GPHN: variants seen among roughly 807,000 people sequenced by gnomAD.
The protein encoded by GPHN is gephyrin.
Under a neutral mutation model 95.5 loss-of-function variants are expected in GPHN, and 17 were observed. That is an observed-to-expected ratio of 0.18 (90% CI 0.12 to 0.27). The LOEUF is 0.27. Among genes scored for constraint, GPHN ranks in the 10% least tolerant of loss-of-function variants. The probability of loss-of-function intolerance (pLI) is 1.00; values close to 1 mark genes in which losing one functional copy is unlikely to be tolerated. For missense variants in GPHN, 660 were observed against 978.1 expected (o/e 0.67, Z 4.34); for synonymous variants, 320 against 322.5 (o/e 0.99, Z 0.08).
chr14:66,882,474 C>A (rs996941012), intron 5 of GPHN, among the ~76,000 whole-genome samples: 4 of 151,644 alleles, frequency 2.6e-5, no homozygotes, highest in Non-Finnish European at 1.5e-5. Flanking sequence ...TTAATATCCT[C>A]CAGATTTTTT....
intron 18 of GPHN, among the ~76,000 whole-genome samples, chr14:67,148,968 T>C (rs375677865): frequency 5.3e-5 from 8 of 152,314 alleles, no homozygotes; most frequent in African/African-American, 1.7e-4. Flanking sequence ...TCTCATCAGA[T>C]TGAGTGAATC....
At chr14:66,573,029 C>T (rs1363019005) in intron 1 of GPHN, among the ~76,000 whole-genome samples, 1 of 152,150 alleles carries the variant, frequency 6.6e-6, no homozygotes. Flanking sequence ...TGGTTTCCTA[C>T]CACATTTCAT....
At chr14:67,189,837 A>ATTTTTTTTTT in the GPHN span, 3 of 108,086 alleles carry the variant, frequency 2.8e-5, no homozygotes, top group Non-Finnish European at 5.4e-5. Context: ...ATTTTTTTTA[A>ATTTTTTTTTT]TTTTTTTTTT....
the GPHN span, chr14:67,450,061 C>G: frequency 6.5e-6 from 1 of 153,964 alleles, no homozygotes; most frequent in Non-Finnish European, 1.4e-5. Context: ...AAAACTCTGT[C>G]TCAAACAAAC....
chr14:67,691,171 G>C, the GPHN span: 1 of 1,613,942 alleles, frequency 6.2e-7, no homozygotes, highest in East Asian at 2.2e-5. Context: ...GCATCTCAAA[G>C]CCATCTGCTG....
the GPHN span, among the ~76,000 whole-genome samples, chr14:67,196,223 CT>C: frequency 6.2e-3 from 888 of 142,682 alleles, 1 homozygote; most frequent in African/African-American, 0.012. Flanking sequence ...TTCTTTCTTT[CT>C]TTTTTTTTTT....
chr14:67,672,394 C>T, the GPHN span, among the ~76,000 whole-genome samples: 1 of 151,768 alleles, frequency 6.6e-6, no homozygotes, highest in Admixed American at 6.6e-5. Flanking sequence ...GCTGGGATTA[C>T]AGGTGTGAGC....
intron 2 of GPHN, among the ~76,000 whole-genome samples, chr14:66,759,280 T>G (rs2058677551): frequency 6.6e-6 from 1 of 152,142 alleles, no homozygotes; most frequent in Non-Finnish European, 1.5e-5. Flanking sequence ...CATTCTTTAC[T>G]CACCACAGGT....
At chr14:67,116,113 G>C (rs1272094671) in intron 16 of GPHN, among the ~76,000 whole-genome samples, 1 of 151,948 alleles carries the variant, frequency 6.6e-6, no homozygotes, top group Non-Finnish European at 1.5e-5. Flanking sequence ...ACCAGCCTGG[G>C]CAACATGGCA....
chr14:67,314,649 A>G, the GPHN span, among the ~76,000 whole-genome samples: 1 of 152,226 alleles, frequency 6.6e-6, no homozygotes, highest in Non-Finnish European at 1.5e-5. Context: ...TAGCCCATAA[A>G]TGTTTAGAAC....
the GPHN span, among the ~76,000 whole-genome samples, chr14:67,356,219 A>G: frequency 3.3e-5 from 5 of 152,248 alleles, no homozygotes; most frequent in South Asian, 1.0e-3. Flanking sequence ...CAGGAGTTCG[A>G]GACCACCCTG....
intron 12 of GPHN, among the ~76,000 whole-genome samples, chr14:67,092,354 C>A (rs113771914): frequency 6.6e-6 from 1 of 151,932 alleles, no homozygotes; most frequent in Admixed American, 6.6e-5. Context: ...CCTTTGAGTA[C>A]CTCCTTCTCT....
the GPHN span, among the ~76,000 whole-genome samples, chr14:67,209,442 T>C: frequency 6.6e-6 from 1 of 152,172 alleles, no homozygotes; most frequent in African/African-American, 2.4e-5. Flanking sequence ...GTTGATTGAT[T>C]GCATAACAAT....
intron 8 of GPHN, among the ~76,000 whole-genome samples, chr14:66,945,165 C>T (rs1348016424): frequency 2.0e-5 from 3 of 151,850 alleles, no homozygotes; most frequent in Admixed American, 6.6e-5. Flanking sequence ...ATGAGTAGAA[C>T]GGGATTTATT....
intron 1 of GPHN, among the ~76,000 whole-genome samples, chr14:66,649,926 A>G (rs1241450639): frequency 6.6e-6 from 1 of 152,030 alleles, no homozygotes; most frequent in African/African-American, 2.4e-5. Flanking sequence ...TACCACTTTC[A>G]TCTGCTTCTC....
chr14:66,763,094 C>A (rs2058819731), intron 2 of GPHN, among the ~76,000 whole-genome samples: 1 of 152,120 alleles, frequency 6.6e-6, no homozygotes, highest in African/African-American at 2.4e-5. Context: ...CAGCCGTCCA[C>A]ATCTGTGGGT....
chr14:67,645,840 G>A, the GPHN span: 1 of 1,606,756 alleles, frequency 6.2e-7, no homozygotes, highest in Non-Finnish European at 8.5e-7. Context: ...TGAATGGCTT[G>A]CAGGGTTTTG....
intron 15 of GPHN, among the ~76,000 whole-genome samples, chr14:67,112,735 T>A (rs1435839175): frequency 6.6e-6 from 1 of 152,234 alleles, no homozygotes; most frequent in African/African-American, 2.4e-5. Flanking sequence ...AGTAATTTTA[T>A]TCACAGGTAC....
intron 9 of GPHN, among the ~76,000 whole-genome samples, chr14:66,976,244 A>G (rs920117349): frequency 6.6e-6 from 1 of 152,184 alleles, no homozygotes; most frequent in Admixed American, 6.5e-5. Flanking sequence ...GTTTTGTTCA[A>G]GTTATGAGAA....
Sources: allele counts gnomAD v4.1 joint callset (sites outside exome capture counted in the v4.1 genomes callset), GRCh38; gene constraint gnomAD v4.1.1; transcripts MANE v1.5; gene names NCBI Gene and HGNC (gene_info 2026-07-23, HGNC 2026-07-21).